Variants in HPR observed in about 807,000 individuals in gnomAD.
HPR encodes haptoglobin-related protein.
In HPR, 17 loss-of-function variants were observed where a neutral mutation model predicts 18.5. The observed-to-expected ratio is 0.92, with a 90% CI of 0.63 to 1.38. The LOEUF (loss-of-function observed/expected upper bound fraction) is 1.38. Among genes scored for constraint, HPR ranks in the 40% most tolerant of loss-of-function variants. The pLI is 0.00. For missense variants in HPR, 457 were observed against 432.4 expected (o/e 1.06, Z -0.51); for synonymous variants, 176 against 165.0 (o/e 1.07, Z -0.51).
intron 1 of HPR, among the ~76,000 whole-genome samples, chr16:72,071,957 G>A (rs1281927524): frequency 1.3e-5 from 2 of 152,040 alleles, no homozygotes; most frequent in Non-Finnish European, 2.9e-5. Flanking sequence ...TCTTCTGGTG[G>A]TTAACTATAA....
chr16:72,073,956 A>G lies in HPR; in HGVS notation c.70A>G (p.Asn24Asp). 6.2e-7 allele frequency: 1 copy of G among 1,614,054 alleles called. No individual in the cohort carries two copies. The highest frequency in any genetic ancestry group is 8.5e-7 in the Non-Finnish European group (1 of 1,179,990). Reference protein sequence around the residue: ...GRQLFALYSGNDVTDISDDRF... With the variant: ...GRQLFALYSGDDVTDISDDRF... The stretch of plus-strand genomic sequence containing the variant: ...ACAGCTTTTTGCACTGTACTCAGGC[A>G]ATGATGTCACGGATATTTCAGGTCA... The change falls in exon 2 of 5, where the codon AAT becomes GAT. Residue 24 changes from asparagine (N) to aspartate (D), a missense_variant. Coordinates refer to ENST00000540303, the MANE Select transcript of HPR (RefSeq NM_020995.4).
chr16:72,069,906 G>A (rs532764644), intron 1 of HPR, among the ~76,000 whole-genome samples: 3 of 152,262 alleles, frequency 2.0e-5, no homozygotes, highest in Admixed American at 1.3e-4. Flanking sequence ...CACCAGTAAC[G>A]TAGTTAAGGC....
At position 72,076,633 on chromosome 16, in the gene HPR, T is replaced by G. The variant is rs751960684; in HGVS notation, c.599T>G (p.Val200Gly). 1.9e-6 allele frequency: 3 copies of G among 1,614,180 alleles called. No homozygotes were observed. Among genetic ancestry groups the G allele is most frequent in the Non-Finnish European group, 2.5e-6 (3 of 1,180,030 alleles). ...GLIKLKQKVL[V>G]NERVMPICLP... ...ATCAAACTCAAACAGAAGGTGCTTGTTAATGAGAGAGTGATGCCCATCTGC... is the reference window on the plus strand; with the variant it reads ...ATCAAACTCAAACAGAAGGTGCTTGGTAATGAGAGAGTGATGCCCATCTGC... Residue 200 changes from valine to glycine, a missense_variant, in exon 5 of 5, where the codon GTT (valine) becomes GGT (glycine). By Grantham distance (109) the Val-to-Gly change is moderately radical (BLOSUM62 -3). Coordinates refer to ENST00000540303, the MANE Select transcript of HPR (RefSeq NM_020995.4).
chr16:72,074,301 C>G lies in HPR; in HGVS notation c.109C>G (p.Pro37Ala), dbSNP rs759953433. ...TDISDDRFPK[P>A]PEIANGYVEH... ...CTTTGCAGATGACCGCTTCCCGAAG[C>G]CCCCTGAGATTGCAAATGGCTATGT... is the stretch of plus-strand genomic sequence containing the variant. Residue 37 changes from proline (P) to alanine (A), a missense_variant, in exon 3 of 5, where the codon CCC becomes GCC. By Grantham distance (27) the Pro-to-Ala change is conservative (BLOSUM62 -1). Transcript: ENST00000540303. 4 of 1,613,810 alleles carry G rather than the reference C, an allele frequency of 2.5e-6. No individual in the cohort carries two copies. Among genetic ancestry groups the G allele is most frequent in the South Asian group, 2.2e-5 (2 of 91,078 alleles).
chr16:72,070,936 C>T (rs79679679), intron 1 of HPR, among the ~76,000 whole-genome samples: 2,083 of 152,214 alleles, frequency 0.014, 18 homozygotes, highest in Non-Finnish European at 0.023. Flanking sequence ...CCAACTAATT[C>T]ATGGTCCCAC....
At chr16:72,065,349 G>A (rs960906643) in intron 1 of HPR, among the ~76,000 whole-genome samples, 19 of 152,030 alleles carry the variant, frequency 1.2e-4, no homozygotes, top group African/African-American at 4.6e-4. Flanking sequence ...AGATAAAAAA[G>A]AAATTCCTAA....
intron 1 of HPR, among the ~76,000 whole-genome samples, chr16:72,069,030 A>G (rs1222287727): frequency 6.6e-6 from 1 of 152,190 alleles, no homozygotes; most frequent in Non-Finnish European, 1.5e-5. Context: ...ACGGGTATCC[A>G]GTAATCGATG....
At chr16:72,063,562 T>C (rs2144057217) in intron 1 of HPR, among the ~76,000 whole-genome samples, 1 of 152,244 alleles carries the variant, frequency 6.6e-6, no homozygotes, top group East Asian at 1.9e-4. Flanking sequence ...TCGGAATATA[T>C]TTACTAGCAG....
At chr16:72,074,241 C>T in intron 2 of HPR, 43 bp from the exon 3 acceptor site, 1 of 1,569,970 alleles carries the variant, frequency 6.4e-7, no homozygotes. Context: ...TCTCTGGGAA[C>T]AATTTCCAAA....
rs2041734864 is a variant in HPR at position 72,076,830 on chromosome 16, C to G, written c.796C>G (p.Pro266Ala). 1 of 1,614,092 alleles carries G rather than the reference C, an allele frequency of 6.2e-7. No homozygotes were observed. The highest frequency in any genetic ancestry group is 1.3e-5 in the African/African-American group (1 of 74,934). Reference sequence around the variant, plus strand: ...CAGCACATGCCCCAAATGGAAGGCACCGAAGAGCCCTGTAGGGGTGCAGCC... The same window carrying G: ...CAGCACATGCCCCAAATGGAAGGCAGCGAAGAGCCCTGTAGGGGTGCAGCC... ...EGSTCPKWKAPKSPVGVQPIL... is the reference protein window; with the variant it reads ...EGSTCPKWKAAKSPVGVQPIL... The change falls in exon 5 of 5, where the codon CCG becomes GCG. Residue 266 changes from proline to alanine, a missense_variant. By Grantham distance (27) the Pro-to-Ala change is conservative (BLOSUM62 -1). Transcript: ENST00000540303.
chr16:72,072,985 C>A (rs1272973283), intron 1 of HPR, among the ~76,000 whole-genome samples: 3 of 152,142 alleles, frequency 2.0e-5, no homozygotes, highest in African/African-American at 4.8e-5. Flanking sequence ...TGGTAAACAA[C>A]CTTCCCGCCA....
In HPR at chr16:72,077,066, C is replaced by T. The variant is rs1181329620; in HGVS notation, c.1032C>T (p.Thr344=). 4 of 1,611,976 alleles carry T rather than the reference C, an allele frequency of 2.5e-6. No homozygotes were observed. The highest frequency in any genetic ancestry group is 3.4e-6 in the Non-Finnish European group (4 of 1,178,816). The part of the protein sequence containing the change: ...VTSIQHWVQK[T]IAEN ...CCATCCAGCACTGGGTTCAGAAGAC[C>T]ATAGCTGAGAACTAATGCAAGGCTG... Residue 344 remains threonine, a synonymous_variant, in exon 5 of 5, where the codon ACC becomes ACT. Transcript: ENST00000540303.
At position 72,073,877 on chromosome 16, in the gene HPR, G is replaced by T. The variant is rs1329495067; in HGVS notation, c.6-15G>T. 2 of 1,613,790 alleles carry T rather than the reference G, an allele frequency of 1.2e-6. No homozygotes were observed. Among genetic ancestry groups the T allele is most frequent in the Admixed American group, 1.7e-5 (1 of 59,982 alleles). On this transcript the variant is annotated splice_polypyrimidine_tract_variant and intron_variant, in intron 1 of 4. Coordinates refer to ENST00000540303, the MANE Select transcript of HPR (RefSeq NM_020995.4). ...GGAGACCAGCTTTCCGCTCCTTCTT[G>T]TTTTCTCTCTGCAGTGACCTGGGAG...
At chr16:72,067,547 C>T (rs932901416) in intron 1 of HPR, among the ~76,000 whole-genome samples, 22 of 152,108 alleles carry the variant, frequency 1.4e-4, no homozygotes, top group African/African-American at 3.6e-4. Context: ...CTCACCACGG[C>T]GGATGAGAAA....
intron 1 of HPR, among the ~76,000 whole-genome samples, chr16:72,066,839 C>A (rs568415066): frequency 6.6e-6 from 1 of 152,230 alleles, no homozygotes; most frequent in South Asian, 2.1e-4. Flanking sequence ...AAACAGAAGT[C>A]AAAACCAATG....
intron 1 of HPR, among the ~76,000 whole-genome samples, chr16:72,072,918 T>A (rs1345330842): frequency 2.0e-5 from 3 of 152,194 alleles, no homozygotes; most frequent in Non-Finnish European, 4.4e-5. Context: ...AGTTTCCTTG[T>A]TCTTTGCTCC....
At chr16:72,071,551 C>G (rs1265044062) in intron 1 of HPR, among the ~76,000 whole-genome samples, 3 of 152,140 alleles carry the variant, frequency 2.0e-5, no homozygotes, top group Non-Finnish European at 2.9e-5. Flanking sequence ...TTCCGTTTCC[C>G]AATGCCAATT....
chr16:72,074,427 C>G (rs1334254265), intron 3 of HPR, 42 bp downstream of exon 3: 1 of 1,485,532 alleles, frequency 6.7e-7, no homozygotes, highest in East Asian at 2.3e-5. Flanking sequence ...CCTACAACCC[C>G]TGCTCTGACA....
chr16:72,076,457 C>T lies in HPR; in HGVS notation c.423C>T (p.Thr141=), dbSNP rs1443934882. 6.2e-7 allele frequency: 1 copy of T among 1,614,128 alleles called. No homozygotes were observed. Among genetic ancestry groups the T allele is most frequent in the South Asian group, 1.1e-5 (1 of 91,064 alleles). Residue 141 remains threonine (T), a synonymous_variant, in exon 5 of 5, where the codon ACC becomes ACT. Coordinates refer to ENST00000540303, the MANE Select transcript of HPR (RefSeq NM_020995.4). ...TGATCAATGAACAATGGCTGCTGAC[C>T]ACGGCTAAAAATCTCTTCCTGAACC... ...ATLINEQWLL[T]TAKNLFLNHS...
Sources: gnomAD v4.1 joint callset for allele counts (sites outside exome capture counted in the v4.1 genomes callset) on GRCh38, gnomAD v4.1.1 for gene constraint, MANE v1.5 for transcripts, NCBI Gene and HGNC (gene_info 2026-07-23, HGNC 2026-07-21) for gene names.